The following LOC122539214 variants were observed in gnomAD, a reference collection of about 807,000 sequenced individuals.
At chr19:52,652,383 C>T in the LOC122539214 span, 7 of 322,820 alleles carry the variant, frequency 2.2e-5, no homozygotes, top group South Asian at 1.3e-4. Flanking sequence ...TGCCGTGAGC[C>T]GAGATCACGC....
chr19:52,655,616 C>T, the LOC122539214 span: 5 of 1,499,774 alleles, frequency 3.3e-6, no homozygotes, highest in Middle Eastern at 1.7e-4. Context: ...ATAAAGCCCT[C>T]TGTGCAGGGT....
the LOC122539214 span, chr19:52,660,927 T>G: frequency 6.5e-6 from 1 of 152,928 alleles, no homozygotes; most frequent in Admixed American, 6.6e-5. Context: ...TTCAGTGACA[T>G]GATCTCGTCT....
chr19:52,652,049 G>T, the LOC122539214 span: 3 of 235,014 alleles, frequency 1.3e-5, no homozygotes, highest in South Asian at 1.9e-4. Context: ...TGCAAGGAGT[G>T]ACCTCAGACT....
At chr19:52,659,644 A>G in the LOC122539214 span, among the ~76,000 whole-genome samples, 5 of 151,274 alleles carry the variant, frequency 3.3e-5, no homozygotes, top group African/African-American at 1.2e-4. Context: ...CAGAAGTCAC[A>G]GAAGTGAGTG....
chr19:52,689,183 A>T, the LOC122539214 span, among the ~76,000 whole-genome samples: 1 of 152,190 alleles, frequency 6.6e-6, no homozygotes, highest in African/African-American at 2.4e-5. Flanking sequence ...AAGGCCACTT[A>T]TAAAAACCCT....
the LOC122539214 span, among the ~76,000 whole-genome samples, chr19:52,683,228 CTGTGTGTGTGTGTGTGTGTGTGTGTG>C: frequency 1.6e-3 from 204 of 127,998 alleles, 4 homozygotes; most frequent in East Asian, 0.031. Flanking sequence ...CCCTGTGACT[CTGTGTGTGTGTGTGTGTGTGTGTGTG>C]TGTGTGTGTG....
At chr19:52,661,384 C>T in the LOC122539214 span, among the ~76,000 whole-genome samples, 1 of 152,120 alleles carries the variant, frequency 6.6e-6, no homozygotes, top group Admixed American at 6.6e-5. Flanking sequence ...GGGCACAGAC[C>T]TTCAGGACAC....
At chr19:52,681,724 C>G in the LOC122539214 span, among the ~76,000 whole-genome samples, 1 of 152,196 alleles carries the variant, frequency 6.6e-6, no homozygotes, top group East Asian at 1.9e-4. Context: ...AGCTTCAAAA[C>G]TAAACTGACA....
the LOC122539214 span, among the ~76,000 whole-genome samples, chr19:52,685,299 T>A: frequency 2.0e-5 from 3 of 151,996 alleles, no homozygotes; most frequent in Non-Finnish European, 4.4e-5. Flanking sequence ...CCTGAGAAGA[T>A]CTGAGATGAG....
At chr19:52,653,962 T>C in the LOC122539214 span, 1 of 1,292,490 alleles carries the variant, frequency 7.7e-7, no homozygotes. Context: ...ATGGAGAAAG[T>C]TCTTCCCATA....
chr19:52,687,465 AATT>A, the LOC122539214 span, among the ~76,000 whole-genome samples: 1 of 90,012 alleles, frequency 1.1e-5, no homozygotes, highest in Non-Finnish European at 2.1e-5. Flanking sequence ...TATAAATTAT[AATT>A]TATATATCTA....
At chr19:52,652,728 A>G in the LOC122539214 span, 1 of 710,030 alleles carries the variant, frequency 1.4e-6, no homozygotes, top group South Asian at 1.5e-5. Context: ...TACATTTGTA[A>G]AGTTTCCCTA....
At chr19:52,657,053 T>C in the LOC122539214 span, among the ~76,000 whole-genome samples, 2 of 151,810 alleles carry the variant, frequency 1.3e-5, no homozygotes, top group African/African-American at 4.8e-5. Flanking sequence ...AGAGCAGAGT[T>C]TGAAGTGATC....
At chr19:52,659,618 A>AAAAT in the LOC122539214 span, among the ~76,000 whole-genome samples, 1 of 152,094 alleles carries the variant, frequency 6.6e-6, no homozygotes, top group African/African-American at 2.4e-5. Flanking sequence ...CAACTCAAAA[A>AAAAT]AAAAAAAAAG....
the LOC122539214 span, among the ~76,000 whole-genome samples, chr19:52,667,432 A>C: frequency 1.3e-5 from 2 of 152,186 alleles, no homozygotes; most frequent in African/African-American, 2.4e-5. Flanking sequence ...AATGTCATAT[A>C]ATTTGAAAGT....
At chr19:52,666,185 G>A in the LOC122539214 span, among the ~76,000 whole-genome samples, 3 of 147,524 alleles carry the variant, frequency 2.0e-5, no homozygotes, top group Admixed American at 1.4e-4. Flanking sequence ...AAAAGAAAGA[G>A]ACAGAGAGTC....
the LOC122539214 span, among the ~76,000 whole-genome samples, chr19:52,675,234 G>A: frequency 2.0e-5 from 3 of 152,296 alleles, no homozygotes; most frequent in South Asian, 6.2e-4. Context: ...AAGGACACCA[G>A]GCCCACAGTG....
At chr19:52,674,925 T>G in the LOC122539214 span, among the ~76,000 whole-genome samples, 95 of 152,326 alleles carry the variant, frequency 6.2e-4, 2 homozygotes, top group East Asian at 0.015. Context: ...TAACCTCTGT[T>G]GGCCAGGCTG....
At chr19:52,679,132 G>C in the LOC122539214 span, among the ~76,000 whole-genome samples, 1 of 152,144 alleles carries the variant, frequency 6.6e-6, no homozygotes, top group Non-Finnish European at 1.5e-5. Context: ...GACACATATT[G>C]GTGTGAAAAA....
Sources: gnomAD v4.1 joint callset for allele counts (sites outside exome capture counted in the v4.1 genomes callset) on GRCh38, gnomAD v4.1.1 for gene constraint, MANE v1.5 for transcripts.